Variants in BLTP1 observed in about 807,000 individuals in gnomAD.
BLTP1 encodes bridge-like lipid transfer protein family member 1.
At chr4:122,306,699 C>G in the BLTP1 span, 2 of 944,646 alleles carry the variant, frequency 2.1e-6, no homozygotes, top group Non-Finnish European at 2.5e-6. Context: ...TGTTTAAACA[C>G]ATAAGTCTAA....
At chr4:122,305,345 G>A in the BLTP1 span, 6 of 951,578 alleles carry the variant, frequency 6.3e-6, no homozygotes, top group Non-Finnish European at 6.3e-6. Context: ...AGCAAGTTCT[G>A]CATATAGTAA....
At chr4:122,315,058 C>T in the BLTP1 span, among the ~76,000 whole-genome samples, 5 of 152,132 alleles carry the variant, frequency 3.3e-5, no homozygotes, top group Admixed American at 1.3e-4. Context: ...AGTGGAGTCT[C>T]GTTTCTCCAC....
the BLTP1 span, chr4:122,221,998 TG>T: frequency 1.6e-6 from 1 of 610,112 alleles, no homozygotes; most frequent in Non-Finnish European, 2.1e-6. Flanking sequence ...TGCAAACTTG[TG>T]GAGAGACTGA....
the BLTP1 span, among the ~76,000 whole-genome samples, chr4:122,311,804 G>C: frequency 6.6e-6 from 1 of 152,136 alleles, no homozygotes; most frequent in Admixed American, 6.5e-5. Context: ...AACCTAGGTA[G>C]CCTTTGGTCA....
chr4:122,252,370 T>C, the BLTP1 span, among the ~76,000 whole-genome samples: 1 of 152,190 alleles, frequency 6.6e-6, no homozygotes, highest in Non-Finnish European at 1.5e-5. Flanking sequence ...TTTCAGGACA[T>C]GGCTCCTGGA....
the BLTP1 span, chr4:122,331,349 C>T: frequency 6.2e-7 from 1 of 1,611,036 alleles, no homozygotes; most frequent in Non-Finnish European, 8.5e-7. Flanking sequence ...AAAAAAGCAA[C>T]AGGCTTTGCT....
chr4:122,225,123 G>A, the BLTP1 span: 2 of 620,410 alleles, frequency 3.2e-6, no homozygotes, highest in Non-Finnish European at 4.1e-6. Context: ...TAAGGATTAG[G>A]TAATAAGGTT....
the BLTP1 span, chr4:122,313,751 G>T: frequency 1.0e-6 from 1 of 972,428 alleles, no homozygotes; most frequent in East Asian, 2.6e-5. Flanking sequence ...AATGGCAAGA[G>T]AATCTTTTGG....
At chr4:122,299,809 G>T in the BLTP1 span, 3 of 984,742 alleles carry the variant, frequency 3.0e-6, no homozygotes, top group South Asian at 9.4e-5. Flanking sequence ...GGTAAGGGAT[G>T]ATTGTAGATT....
the BLTP1 span, chr4:122,350,099 T>C: frequency 6.2e-7 from 1 of 1,602,378 alleles, no homozygotes; most frequent in Non-Finnish European, 8.5e-7. Flanking sequence ...TAAGCTTTTA[T>C]ATATGCTTTA....
chr4:122,173,564 GT>G, the BLTP1 span, among the ~76,000 whole-genome samples: 1 of 152,134 alleles, frequency 6.6e-6, no homozygotes. Flanking sequence ...TTCAACGTGA[GT>G]TTTAGAGGGA....
chr4:122,241,683 T>C, the BLTP1 span, among the ~76,000 whole-genome samples: 1 of 152,218 alleles, frequency 6.6e-6, no homozygotes, highest in Non-Finnish European at 1.5e-5. Context: ...ATTTTGTTTT[T>C]AAGGTTGTAC....
chr4:122,289,314 C>A, the BLTP1 span: 2 of 814,568 alleles, frequency 2.5e-6, no homozygotes, highest in Non-Finnish European at 3.6e-6. Context: ...TCAAATAACT[C>A]CTAAGAAACT....
the BLTP1 span, chr4:122,334,615 T>C: frequency 1.4e-6 from 2 of 1,464,130 alleles, no homozygotes; most frequent in Non-Finnish European, 1.9e-6. Flanking sequence ...CTTGCTCTTT[T>C]GAGACTTTCC....
the BLTP1 span, chr4:122,170,878 A>G: frequency 5.2e-6 from 3 of 573,026 alleles, no homozygotes; most frequent in Admixed American, 1.2e-4. Context: ...GAAGATTGTT[A>G]TTTATATTTC....
At chr4:122,254,966 A>G in the BLTP1 span, 3 of 1,582,714 alleles carry the variant, frequency 1.9e-6, no homozygotes, top group Non-Finnish European at 2.6e-6. Flanking sequence ...GTATGTCTTT[A>G]AATAATACAA....
At chr4:122,326,532 T>G in the BLTP1 span, among the ~76,000 whole-genome samples, 91 of 151,832 alleles carry the variant, frequency 6.0e-4, no homozygotes, top group Non-Finnish European at 1.1e-3. Flanking sequence ...TTTAAAGAAC[T>G]ATTTAATTGT....
the BLTP1 span, chr4:122,255,205 TC>T: frequency 6.2e-7 from 1 of 1,612,912 alleles, no homozygotes; most frequent in Non-Finnish European, 8.5e-7. Context: ...TCCAAGAAAA[TC>T]CTTCATGTTT....
the BLTP1 span, chr4:122,170,523 C>A: frequency 7.5e-7 from 1 of 1,335,990 alleles, no homozygotes; most frequent in Non-Finnish European, 9.8e-7. Context: ...TAATCAACTT[C>A]GTTTATTAAA....
Sources: allele counts gnomAD v4.1 joint callset (sites outside exome capture counted in the v4.1 genomes callset), GRCh38; gene constraint gnomAD v4.1.1; transcripts MANE v1.5; gene names NCBI Gene and HGNC (gene_info 2026-07-23, HGNC 2026-07-21).